The following PVRIG variants were observed in gnomAD, a reference collection of about 807,000 sequenced individuals.
PVRIG encodes the protein PVR related immunoglobulin domain containing, also known as transmembrane protein PVRIG.
In PVRIG, 16 loss-of-function variants were observed where a neutral mutation model predicts 21.9. That is an observed-to-expected ratio of 0.73 (90% CI 0.50 to 1.11). PVRIG has a LOEUF of 1.11. PVRIG is among the 50% of genes most tolerant of loss of function. PVRIG has a pLI of 0.00. For missense variants in PVRIG, 435 were observed against 445.7 expected, an observed-to-expected ratio of 0.98 and a Z score of 0.22; for synonymous variants, 190 against 181.0, an observed-to-expected ratio of 1.05 and a Z score of -0.40.
Position 100,220,722 on chromosome 7 carries a change from T to A in PVRIG, c.597-38T>A, listed in dbSNP as rs375758026. 4.4e-5 allele frequency: 70 copies of A among 1,607,856 alleles called. No individual in the cohort carries two copies. In the African/African-American group the frequency reaches 8.7e-4, roughly 20 times the overall value. On this transcript the variant is annotated intron_variant, in intron 4 of 5. Transcript: ENST00000317271. ...TCCCCCTGACACTGGGATGGCCACA[T>A]GCCCTGCAGAGCTCTGACCATCCTT...
exon 6 of PVRIG, chr7:100,221,145 T>G: frequency 6.2e-7 from 1 of 1,613,666 alleles, no homozygotes; most frequent in South Asian, 1.1e-5. Context: ...GAGAATGGAC[T>G]CTACGCTCAG....
rs761949324 is a variant in PVRIG, at chr7:100,220,530, CTT to C, written c.470-16_470-15del. 3.7e-6 allele frequency: 6 copies of C among 1,611,248 alleles called. No individual in the cohort carries two copies. Among genetic ancestry groups the C allele is most frequent in the Non-Finnish European group, 4.2e-6 (5 of 1,179,110 alleles). On this transcript the variant is annotated splice_polypyrimidine_tract_variant and intron_variant, in intron 3 of 5. Transcript: ENST00000317271. ...TCGGGAACTGGCCACCCATCTGATT[CTT>C]GTCTCCGTGCCCAGGGCTCTCTGCC...
intron 5 of PVRIG, 40 bp downstream of exon 4, chr7:100,220,860 C>A (rs775456201): frequency 2.5e-6 from 4 of 1,600,926 alleles, no homozygotes; most frequent in Non-Finnish European, 1.7e-6. Context: ...GTGACAGGGG[C>A]AGGGGCAGGG....
exon 6 of PVRIG, chr7:100,221,016 A>G (rs768826187): frequency 1.2e-6 from 2 of 1,610,616 alleles, no homozygotes; most frequent in Non-Finnish European, 1.7e-6. Flanking sequence ...GACACAGCTC[A>G]CCCCCATGGG....
At position 100,219,948 on chromosome 7, in the gene PVRIG, C is replaced by G; in HGVS notation, c.38C>G (p.Pro13Arg). The change falls in exon 2 of 6, where the codon CCA becomes CGA. Residue 13 changes from proline to arginine, a missense_variant. Coordinates refer to ENST00000317271, the Ensembl canonical transcript of PVRIG. ...GCACAGGTGCCGGCCCTGCAGCCCC[C>G]AGAACCTGGACTGGAGGGGGCCATG... The G allele has an allele frequency of 6.4e-7, 1 of 1,555,462 alleles. No homozygotes were observed. Among genetic ancestry groups the G allele is most frequent in the Non-Finnish European group, 8.7e-7 (1 of 1,149,884 alleles).
At chr7:100,220,801 C>A in exon 5 of PVRIG, 1 of 1,606,284 alleles carries the variant, frequency 6.2e-7, no homozygotes, top group South Asian at 1.1e-5. Flanking sequence ...AGCCCCCAGG[C>A]ACCGAGAGCA....
In PVRIG at chr7:100,219,255, G is replaced by A. The variant is rs192036478; in HGVS notation, c.-344G>A. On this transcript the variant is annotated 5_prime_UTR_variant, in exon 1 of 6. Coordinates refer to ENST00000317271, the Ensembl canonical transcript of PVRIG. ...CTGGCTTCTGCACTGCTAGGGCAGA[G>A]GACTGCTGTTTGCTGACACAATCTT... 584 of 155,896 alleles carry A rather than the reference G, an allele frequency of 3.7e-3. 11 individuals are homozygous for A. The highest frequency in any genetic ancestry group is 1.7e-3 in the Non-Finnish European group (120 of 70,206). 9.7% of individuals were successfully genotyped at this position (155,896 alleles called of 1,614,324 possible).
rs779933383 is a variant in PVRIG, at chr7:100,220,483, G to T, written c.469+19G>T. On this transcript the variant is annotated intron_variant, in intron 3 of 5. Coordinates refer to ENST00000317271, the Ensembl canonical transcript of PVRIG. Reference sequence around the variant, plus strand: ...GACCCAGGTGGGGCCGGGGCGAGGGGTCCAGGAGGGCAGGGAGGGGCTCGG... The same window carrying T: ...GACCCAGGTGGGGCCGGGGCGAGGGTTCCAGGAGGGCAGGGAGGGGCTCGG... The T allele has an allele frequency of 6.2e-7, 1 of 1,612,316 alleles. No homozygotes were observed. Among genetic ancestry groups the T allele is most frequent in the East Asian group, 2.2e-5 (1 of 44,862 alleles).
Position 100,220,177 on chromosome 7 carries a change from G to A in PVRIG, c.182G>A (p.Arg61His), listed in dbSNP as rs1295697555. 32 of 1,599,186 alleles carry A rather than the reference G, an allele frequency of 2.0e-5. No homozygotes were observed. Among genetic ancestry groups the A allele is most frequent in the African/African-American group, 4.0e-5 (3 of 74,792 alleles). Residue 61 changes from arginine to histidine, a missense_variant, in exon 3 of 6, where the codon CGT becomes CAT. Coordinates refer to ENST00000317271, the Ensembl canonical transcript of PVRIG. ...ACCGAGCTCTCGTCCTTCACCATCC[G>A]TTGTGGGTTCCTGGGGTCTGGCTCC...
At chr7:100,219,720 C>T in exon 2 of PVRIG, 1 of 633,894 alleles carries the variant, frequency 1.6e-6, no homozygotes, top group Non-Finnish European at 2.9e-6. Flanking sequence ...CAGGCCTAGC[C>T]AGGGCTGGGT....
At chr7:100,221,365 C>G in exon 6 of PVRIG, 1 of 808,028 alleles carries the variant, frequency 1.2e-6, no homozygotes, top group Non-Finnish European at 1.8e-6. Flanking sequence ...CCAGGCCCAC[C>G]TGCTGCGGAT....
At chr7:100,221,126 G>A in exon 6 of PVRIG, 9 of 1,613,900 alleles carry the variant, frequency 5.6e-6, no homozygotes, top group Non-Finnish European at 6.8e-6. Context: ...TGGCAGCTTT[G>A]TCTCTGTTGA....
rs772639722 is a variant in PVRIG at position 100,221,246 on chromosome 7, C to T, written c.976C>T (p.Arg326Ter). The T allele has an allele frequency of 7.7e-6, 12 of 1,563,840 alleles. No individual in the cohort carries two copies. Among genetic ancestry groups the T allele is most frequent in the Admixed American group, 7.3e-5 (4 of 54,826 alleles). Reference sequence around the variant, plus strand: ...GGCCATGGAAGGACCCTTAGGAGTTCGATGAGAGAGACCATGAGGCCACTG... The same window carrying T: ...GGCCATGGAAGGACCCTTAGGAGTTTGATGAGAGAGACCATGAGGCCACTG... Residue 326 changes from arginine (R) to a stop codon, truncating the protein, a stop_gained, in exon 6 of 6, where the codon CGA becomes TGA. Transcript: ENST00000317271. LOFTEE classifies it high-confidence loss of function.
exon 6 of PVRIG, chr7:100,221,050 C>A: frequency 6.2e-7 from 1 of 1,613,682 alleles, no homozygotes; most frequent in Non-Finnish European, 8.5e-7. Flanking sequence ...GGGCGTCACT[C>A]CCCACCCACG....
chr7:100,221,264 G>C, exon 6 of PVRIG: 1 of 1,528,968 alleles, frequency 6.5e-7, no homozygotes, highest in Non-Finnish European at 8.8e-7. Context: ...GAGACCATGA[G>C]GCCACTGGGC....
rs751902136 is a variant in PVRIG at position 100,219,904 on chromosome 7, T to A, written c.-7T>A. The A allele has an allele frequency of 1.1e-4, 167 of 1,548,194 alleles. No individual in the cohort carries two copies. In the Admixed American group the frequency reaches 2.0e-3, roughly 18 times the overall value. The stretch of plus-strand genomic sequence containing the variant: ...TTTGGCTGCTGACAACATGAAGACT[T>A]CCTGCGATGAGAACAGAGGCACAGG... On this transcript the variant is annotated 5_prime_UTR_variant, in exon 2 of 6. Coordinates refer to ENST00000317271, the Ensembl canonical transcript of PVRIG.
intron 3 of PVRIG, 37 bp from the exon 3 acceptor site, chr7:100,220,510 A>C: frequency 1.2e-6 from 2 of 1,611,242 alleles, no homozygotes; most frequent in Non-Finnish European, 1.7e-6. Context: ...GGGGCTCGGG[A>C]ACTGGCCACC....
chr7:100,220,997 G>A (rs778560999), exon 6 of PVRIG: 6 of 1,603,258 alleles, frequency 3.7e-6, no homozygotes, highest in Non-Finnish European at 5.1e-6. Flanking sequence ...CTGCCGCCCA[G>A]CTACTTTGGA....
At chr7:100,219,909 C>A (rs568591665) in exon 2 of PVRIG, 3 of 1,548,312 alleles carry the variant, frequency 1.9e-6, no homozygotes. Flanking sequence ...AGACTTCCTG[C>A]GATGAGAACA....
Sources: gnomAD v4.1 joint callset for allele counts on GRCh38, gnomAD v4.1.1 for gene constraint, MANE v1.5 for transcripts, NCBI Gene and HGNC (gene_info 2026-07-23, HGNC 2026-07-21) for gene names.